ATRIP: variants seen among roughly 807,000 people sequenced by gnomAD.
ATRIP encodes ATR-interacting protein.
Under a neutral mutation model 78.1 loss-of-function variants are expected in ATRIP, and 44 were observed. That is an observed-to-expected ratio of 0.56 (90% CI 0.44 to 0.72). ATRIP has a LOEUF of 0.72. Ranked by LOEUF, ATRIP falls within the 30% of genes least tolerant of loss-of-function variation. The probability of loss-of-function intolerance (pLI) is 0.00; values close to 1 mark genes in which losing one functional copy is unlikely to be tolerated. For missense variants in ATRIP, 927 were observed against 980.2 expected (o/e 0.95, Z 0.72); for synonymous variants, 388 against 408.9 (o/e 0.95, Z 0.62).
intron 2 of ATRIP, 46 bp downstream of exon 2, chr3:48,450,216 CG>C: frequency 1.3e-6 from 2 of 1,582,476 alleles, no homozygotes; most frequent in Non-Finnish European, 1.7e-6. Context: ...CATTCACTTA[CG>C]TGTTTAAAAG....
rs201158262 is a variant in ATRIP, at chr3:48,466,528, A to T, written c.*974A>T. On this transcript the variant is annotated 3_prime_UTR_variant, in exon 13 of 13. Transcript: ENST00000320211. ...GCTCGCAGACAGGGCAGGATTGTGC[A>T]GGGAAGGCCTGAGATGTGCTTCTGC... 108 of 1,613,820 alleles carry T rather than the reference A, an allele frequency of 6.7e-5. No homozygotes were observed. The highest frequency in any genetic ancestry group is 8.6e-5 in the Non-Finnish European group (102 of 1,179,984).
At chr3:48,463,720 G>A (rs751332534) in intron 8 of ATRIP, 25 bp from the exon 9 acceptor site, 64 of 1,613,376 alleles carry the variant, frequency 4.0e-5, no homozygotes, top group South Asian at 9.9e-5. Context: ...GGAGTGTCAC[G>A]TCTCTCTGGG....
chr3:48,450,389 G>C, intron 2 of ATRIP: 1 of 1,003,718 alleles, frequency 1.0e-6, no homozygotes, highest in South Asian at 1.4e-5. Flanking sequence ...CTGTATACCA[G>C]ATCCAAAAAG....
intron 4 of ATRIP, among the ~76,000 whole-genome samples, chr3:48,456,440 T>A (rs77469589): frequency 2.4e-5 from 1 of 41,456 alleles, no homozygotes; most frequent in African/African-American, 4.8e-5. Flanking sequence ...CTAGAAAGAA[T>A]AAAAAGTTAG....
intron 1 of ATRIP, among the ~76,000 whole-genome samples, chr3:48,448,024 C>G (rs1010920198): frequency 2.0e-5 from 3 of 152,230 alleles, no homozygotes; most frequent in African/African-American, 4.8e-5. Context: ...CATGAGTCCT[C>G]TCTTGAACAA....
chr3:48,461,799 G>A (rs1470985529), intron 8 of ATRIP, among the ~76,000 whole-genome samples: 3 of 152,184 alleles, frequency 2.0e-5, no homozygotes, highest in Non-Finnish European at 4.4e-5. Context: ...CCACTTCCCA[G>A]GTTCAAGCAG....
intron 2 of ATRIP, chr3:48,450,589 ATTTTTTT>A (rs756559976): frequency 8.1e-5 from 80 of 986,220 alleles, no homozygotes; most frequent in Admixed American, 1.1e-4. Flanking sequence ...TGTGACCCAG[ATTTTTTT>A]TTTTTTTTTT....
At chr3:48,454,142 A>G (rs191872306) in intron 3 of ATRIP, among the ~76,000 whole-genome samples, 158 bp from the exon 4 acceptor site, 156 of 152,308 alleles carry the variant, frequency 1.0e-3, no homozygotes, top group African/African-American at 3.4e-3. Context: ...TCTTTCAGAA[A>G]GAAAGCTAAT....
chr3:48,452,099 T>C (rs1486167609), intron 3 of ATRIP, among the ~76,000 whole-genome samples, 200 bp downstream of exon 3: 1 of 152,220 alleles, frequency 6.6e-6, no homozygotes, highest in Non-Finnish European at 1.5e-5. Flanking sequence ...TATTTTGCTG[T>C]GGTAGTTGGT....
At chr3:48,450,789 G>A (rs923836283) in intron 2 of ATRIP, among the ~76,000 whole-genome samples, 1 of 151,842 alleles carries the variant, frequency 6.6e-6, no homozygotes, top group Non-Finnish European at 1.5e-5. Flanking sequence ...GTTTCACCAT[G>A]TTGGCCAGGC....
chr3:48,450,129 T>C lies in ATRIP; in HGVS notation c.340T>C (p.Leu114=), dbSNP rs757630635. 7 of 1,612,810 alleles carry C rather than the reference T, an allele frequency of 4.3e-6. No individual in the cohort carries two copies. In the African/African-American group the frequency reaches 5.3e-5, roughly 12 times the overall value. Residue 114 remains leucine (L), a synonymous_variant, in exon 2 of 13, where the codon TTA becomes CTA. Transcript: ENST00000320211. ...ETVPIKDNFE[L]EVLQAQYKEL... is the part of the protein sequence containing the mutation. Reference sequence around the variant, plus strand: ...TGTTCCAATTAAAGATAATTTCGAATTAGAGGTACTTCAGGCACAATACAA... The same window carrying C: ...TGTTCCAATTAAAGATAATTTCGAACTAGAGGTACTTCAGGCACAATACAA...
rs959111922 is a variant in ATRIP at position 48,463,861 on chromosome 3, C to G, written c.1862C>G (p.Pro621Arg). ...CTGGCGGACCACGACCAGCTGGCACCTCAGCTCTGTTCCCACTCAGGTAAA... is the reference window on the plus strand; with the variant it reads ...CTGGCGGACCACGACCAGCTGGCACGTCAGCTCTGTTCCCACTCAGGTAAA... The part of the protein sequence containing the change: ...SLLADHDQLA[P>R]QLCSHSEGCL... The change falls in exon 9 of 13, where the codon CCT becomes CGT. Residue 621 changes from proline (P) to arginine (R), a missense_variant. By Grantham distance (103) the Pro-to-Arg change is moderately radical (BLOSUM62 -2). Coordinates refer to ENST00000320211, the MANE Select transcript of ATRIP (RefSeq NM_130384.3). The G allele has an allele frequency of 3.1e-6, 5 of 1,614,032 alleles. No individual in the cohort carries two copies. The highest frequency in any genetic ancestry group is 4.2e-6 in the Non-Finnish European group (5 of 1,180,042).
chr3:48,460,593 G>A lies in ATRIP; in HGVS notation c.1539G>A (p.Leu513=), dbSNP rs757138282. ...DSAAGEGNRS[L]VHRLSDGDMT... ...CTGCTGGGGAAGGAAACAGGAGCCT[G>A]GTTCACAGGCTTAGTGATGGAGATA... is the stretch of plus-strand genomic sequence containing the variant. Residue 513 remains leucine, a synonymous_variant, in exon 8 of 13, where the codon CTG becomes CTA. Transcript: ENST00000320211. 63 of 1,614,066 alleles carry A rather than the reference G, an allele frequency of 3.9e-5. No homozygotes were observed. Among genetic ancestry groups the A allele is most frequent in the Non-Finnish European group, 5.0e-5 (59 of 1,180,036 alleles).
chr3:48,459,657 G>T, intron 6 of ATRIP, 130 bp from the exon 7 acceptor site: 1 of 1,301,294 alleles, frequency 7.7e-7, no homozygotes, highest in Non-Finnish European at 1.1e-6. Context: ...GCACCCACAG[G>T]CATCTTCCTG....
At chr3:48,454,047 C>A (rs1260514994) in intron 3 of ATRIP, among the ~76,000 whole-genome samples, 1 of 152,140 alleles carries the variant, frequency 6.6e-6, no homozygotes, top group Non-Finnish European at 1.5e-5. Context: ...AGGCCTGAAC[C>A]ACCACACCCG....
chr3:48,460,403 C>T lies in ATRIP; in HGVS notation c.1349C>T (p.Pro450Leu), dbSNP rs766789931. The T allele has an allele frequency of 2.4e-5, 39 of 1,613,258 alleles. No homozygotes were observed. Among genetic ancestry groups the T allele is most frequent in the Non-Finnish European group, 2.6e-5 (31 of 1,179,672 alleles). ...AGAAGCGGAGCACCTGGGGACTCACCGACACATTCCTCCTGCGTGAGCTCT... is the reference window on the plus strand; with the variant it reads ...AGAAGCGGAGCACCTGGGGACTCACTGACACATTCCTCCTGCGTGAGCTCT... ...AKRSGAPGDS[P>L]THSSCVSSGV... Residue 450 changes from proline to leucine, a missense_variant, in exon 8 of 13, where the codon CCG becomes CTG. By Grantham distance (98) the Pro-to-Leu change is moderately conservative. Transcript: ENST00000320211.
intron 1 of ATRIP, among the ~76,000 whole-genome samples, chr3:48,448,462 G>A (rs966219263): frequency 6.6e-6 from 1 of 152,208 alleles, no homozygotes; most frequent in East Asian, 1.9e-4. Context: ...TTACAGGTAT[G>A]AGCCATCCGC....
At position 48,466,525 on chromosome 3, in the gene ATRIP, T is replaced by C. The variant is rs1048272049; in HGVS notation, c.*971T>C. ...GGAGCTCGCAGACAGGGCAGGATTG[T>C]GCAGGGAAGGCCTGAGATGTGCTTC... On this transcript the variant is annotated 3_prime_UTR_variant, in exon 13 of 13. Transcript: ENST00000320211. 5.6e-6 allele frequency: 9 copies of C among 1,613,814 alleles called. No individual in the cohort carries two copies. The highest frequency in any genetic ancestry group is 6.8e-6 in the Non-Finnish European group (8 of 1,179,982).
chr3:48,467,050 C>T lies in ATRIP; in HGVS notation c.*1496C>T, dbSNP rs1352738508. ...CACAATGGTGACCGCTACGACTTCC[C>T]CCTGCTCCAAGCAGAGCTGGCTATG... On this transcript the variant is annotated 3_prime_UTR_variant, in exon 13 of 13. Transcript: ENST00000320211. 6.2e-7 allele frequency: 1 copy of T among 1,613,994 alleles called. No individual in the cohort carries two copies. The highest frequency in any genetic ancestry group is 1.1e-5 in the South Asian group (1 of 91,088).
Sources: gnomAD v4.1 joint callset for allele counts (sites outside exome capture counted in the v4.1 genomes callset) on GRCh38, gnomAD v4.1.1 for gene constraint, MANE v1.5 for transcripts, NCBI Gene and HGNC (gene_info 2026-07-23, HGNC 2026-07-21) for gene names.